Variants in SUMF1 observed in about 807,000 individuals in gnomAD.
SUMF1 encodes the protein formylglycine-generating enzyme.
Under a neutral mutation model 47.6 loss-of-function variants are expected in SUMF1, and 48 were observed. That is an observed-to-expected ratio of 1.01 (90% confidence interval 0.80 to 1.28). The LOEUF (loss-of-function observed/expected upper bound fraction) is 1.28. Among genes scored for constraint, SUMF1 ranks in the 50% most tolerant of loss-of-function variants. The probability of loss-of-function intolerance (pLI) is 0.00; values close to 1 mark genes in which losing one functional copy is unlikely to be tolerated. For synonymous variants in SUMF1, 230 were observed against 192.1 expected, an observed-to-expected ratio of 1.20 and a Z score of -1.63; for missense variants, 571 against 485.4, an observed-to-expected ratio of 1.18 and a Z score of -1.66.
chr3:4,190,199 T>TG (rs2125141842), intron 8 of SUMF1, among the ~76,000 whole-genome samples: 1 of 152,190 alleles, frequency 6.6e-6, no homozygotes, highest in South Asian at 2.1e-4. Flanking sequence ...GTTTTTTTTT[T>TG]TTTTAATGAA....
chr3:4,432,817 T>A (rs950472904), intron 3 of SUMF1, among the ~76,000 whole-genome samples: 5 of 152,208 alleles, frequency 3.3e-5, no homozygotes, highest in African/African-American at 1.2e-4. Flanking sequence ...ATCTGTTGTA[T>A]CTATGGCACT....
rs1273538169 is a variant in SUMF1 at position 4,303,677 on chromosome 3, C to T, written c.1014+72653G>A. On this transcript the variant is annotated intron_variant and NMD_transcript_variant, in intron 8 of 12. Coordinates refer to the SUMF1 transcript ENST00000448413. ...GTGCGCGGGAATAGGTGTGCATGCCCCGGCCTGGGCCTTTTTCTGTTGACC... is the reference window on the plus strand; with the variant it reads ...GTGCGCGGGAATAGGTGTGCATGCCTCGGCCTGGGCCTTTTTCTGTTGACC... 6.7e-6 allele frequency: 10 copies of T among 1,490,836 alleles called. No homozygotes were observed. In the Admixed American group the frequency reaches 2.2e-4, roughly 33 times the overall value. 92.4% of individuals were successfully genotyped at this position (1,490,836 alleles called of 1,614,324 possible).
chr3:4,377,775 G>GT (rs1700375623), intron 7 of SUMF1, among the ~76,000 whole-genome samples: 1 of 152,300 alleles, frequency 6.6e-6, no homozygotes, highest in Admixed American at 6.5e-5. Context: ...AGCCAGAACC[G>GT]TATCAGGGGA....
At chr3:4,256,634 A>G (rs986455690) in intron 8 of SUMF1, among the ~76,000 whole-genome samples, 90 of 151,654 alleles carry the variant, frequency 5.9e-4, no homozygotes, top group African/African-American at 2.1e-3. Context: ...ATAGTTTACC[A>G]ACCAAATAGA....
rs1700917584 is a variant in SUMF1, at chr3:4,392,810, A to T, written c.955-16421T>A. ...TAGAATCTCATTCCCCATGGTCTGT[A>T]CCCACTGATGTCTCTGTTCAGATTT... On this transcript the variant is annotated intron_variant, in intron 7 of 8. Transcript: ENST00000272902. Among the ~76,000 whole-genome samples, 3 of 151,350 alleles carry T rather than the reference A, an allele frequency of 2.0e-5. No homozygotes were observed. The South Asian group carries it at 6.2e-4, about 32-fold the overall frequency.
At chr3:4,333,355 G>C (rs73809515) in intron 8 of SUMF1, among the ~76,000 whole-genome samples, 5,267 of 152,276 alleles carry the variant, frequency 0.035, 306 homozygotes, top group African/African-American at 0.12. Context: ...GACCAAACAG[G>C]CATGCCACAT....
rs1474514487 is a variant in SUMF1, at chr3:4,361,631, T to C, written c.*513A>G. 5.9e-6 allele frequency: 1 copy of C among 170,680 alleles called. No homozygotes were observed. The highest frequency in any genetic ancestry group is 1.3e-5 in the Non-Finnish European group (1 of 77,956). 10.6% of individuals were successfully genotyped at this position (170,680 alleles called of 1,614,324 possible). On this transcript the variant is annotated 3_prime_UTR_variant, in exon 9 of 9. Transcript: ENST00000272902. ...TCTTACTTTACATGATTAGTATCACTCAAGGTTCACACATGGAAAAAATAG... is the reference window on the plus strand; with the variant it reads ...TCTTACTTTACATGATTAGTATCACCCAAGGTTCACACATGGAAAAAATAG...
Position 4,170,702 on chromosome 3 carries a change from G to A in SUMF1, c.1015-101957C>T, listed in dbSNP as rs191927752. On this transcript the variant is annotated intron_variant and NMD_transcript_variant, in intron 8 of 12. Transcript: ENST00000448413. ...TCACATATATAGTGAACTAAACTTT[G>A]ACAAGGTGAAAAGATAATTCAGTGA... Among the ~76,000 whole-genome samples, 462 of 152,174 alleles carry A rather than the reference G, an allele frequency of 3.0e-3. 1 individual carries two copies. The highest frequency in any genetic ancestry group is 4.1e-3 in the Admixed American group (63 of 15,270).
intron 9 of SUMF1, among the ~76,000 whole-genome samples, chr3:4,064,573 T>G (rs1003250635): frequency 6.6e-6 from 1 of 152,174 alleles, no homozygotes; most frequent in Non-Finnish European, 1.5e-5. Flanking sequence ...CTAATAAACT[T>G]GCTTTCACTC....
intron 8 of SUMF1, among the ~76,000 whole-genome samples, chr3:4,367,659 C>G (rs1365398939): frequency 6.6e-6 from 1 of 152,250 alleles, no homozygotes; most frequent in African/African-American, 2.4e-5. Flanking sequence ...TGGAACAGAA[C>G]AGAGCCCTCA....
chr3:4,237,008 A>C (rs1204992631), intron 8 of SUMF1, among the ~76,000 whole-genome samples: 1 of 151,996 alleles, frequency 6.6e-6, no homozygotes, highest in Non-Finnish European at 1.5e-5. Flanking sequence ...ACCCTTTTTA[A>C]ATTGGCTTCT....
intron 8 of SUMF1, among the ~76,000 whole-genome samples, chr3:4,089,162 G>T (rs939633093): frequency 2.0e-5 from 3 of 151,972 alleles, no homozygotes; most frequent in African/African-American, 7.3e-5. Flanking sequence ...CCACCCTTTT[G>T]CTCCTACTCA....
At chr3:4,086,484 C>T (rs1692674538) in intron 8 of SUMF1, among the ~76,000 whole-genome samples, 2 of 152,056 alleles carry the variant, frequency 1.3e-5, no homozygotes, top group Admixed American at 1.3e-4. Context: ...CATGCCCGAT[C>T]TGTCATGAAA....
intron 7 of SUMF1, among the ~76,000 whole-genome samples, chr3:4,390,201 G>A (rs533877130): frequency 7.9e-5 from 12 of 152,264 alleles, no homozygotes; most frequent in East Asian, 5.8e-4. Flanking sequence ...CTCTATTAAC[G>A]ATTCAGAAGG....
At chr3:4,041,717 G>C (rs1223028127) in intron 9 of SUMF1, among the ~76,000 whole-genome samples, 1 of 152,172 alleles carries the variant, frequency 6.6e-6, no homozygotes, top group African/African-American at 2.4e-5. Context: ...AACACATCTT[G>C]TAAGGCACAG....
chr3:4,301,402 T>C (rs1042874244), intron 8 of SUMF1, among the ~76,000 whole-genome samples: 1 of 152,020 alleles, frequency 6.6e-6, no homozygotes, highest in Non-Finnish European at 1.5e-5. Flanking sequence ...TGAGAGAAAA[T>C]GGAGCAAATA....
intron 8 of SUMF1, among the ~76,000 whole-genome samples, chr3:4,339,810 C>G (rs1469058760): frequency 2.0e-5 from 3 of 152,196 alleles, no homozygotes; most frequent in Admixed American, 6.5e-5. Flanking sequence ...GGCATGGTGG[C>G]TCACGCCTGT....
At chr3:4,432,914 C>A (rs1335666004) in intron 3 of SUMF1, among the ~76,000 whole-genome samples, 2 of 152,136 alleles carry the variant, frequency 1.3e-5, no homozygotes. Context: ...TGCATGATTT[C>A]CAAACCCCAC....
At chr3:4,326,129 G>A (rs765756815) in intron 8 of SUMF1, among the ~76,000 whole-genome samples, 3 of 152,166 alleles carry the variant, frequency 2.0e-5, no homozygotes, top group Non-Finnish European at 2.9e-5. Context: ...GCTATCTTTT[G>A]AAACATAACT....
Sources: allele counts gnomAD v4.1 joint callset (sites outside exome capture counted in the v4.1 genomes callset), GRCh38; gene constraint gnomAD v4.1.1; transcripts MANE v1.5; gene names NCBI Gene and HGNC (gene_info 2026-07-23, HGNC 2026-07-21).